Variants in UBASH3B observed in about 807,000 individuals in gnomAD.
UBASH3B encodes the protein ubiquitin associated and SH3 domain containing B.
In UBASH3B, 37 loss-of-function variants were observed where a neutral mutation model predicts 83.4. The observed-to-expected ratio is 0.44, with a 90% confidence interval of 0.34 to 0.58. The LOEUF is 0.58. Ranked by LOEUF, UBASH3B falls within the 20% of genes least tolerant of loss-of-function variation. The probability of loss-of-function intolerance (pLI) is 0.01; values close to 1 mark genes in which losing one functional copy is unlikely to be tolerated. For missense variants in UBASH3B, 657 were observed against 827.2 expected, an observed-to-expected ratio of 0.79 and a Z score of 2.52; for synonymous variants, 304 against 318.3, an observed-to-expected ratio of 0.96 and a Z score of 0.48.
intron 1 of UBASH3B, among the ~76,000 whole-genome samples, chr11:122,662,432 C>T (rs7945813): frequency 0.39 from 54,109 of 138,300 alleles, 10,275 homozygotes; most frequent in African/African-American, 0.41. Context: ...CTTTTCTTTT[C>T]TTTTTTTTTT....
chr11:122,694,553 A>G (rs546139466), intron 1 of UBASH3B, among the ~76,000 whole-genome samples: 1 of 152,266 alleles, frequency 6.6e-6, no homozygotes, highest in East Asian at 1.9e-4. Flanking sequence ...TCTGGGCAAT[A>G]TAGCAAGACT....
rs149873469 is a variant in UBASH3B, at chr11:122,791,469, A to G, written c.980+2161A>G. The stretch of plus-strand genomic sequence containing the variant: ...CGGTGACTATAAAATCGCCATTTGC[A>G]TAATGATGATTATTCTCTTTTTTCT... On this transcript the variant is annotated intron_variant, in intron 6 of 13. Coordinates refer to ENST00000284273, the MANE Select transcript of UBASH3B (RefSeq NM_032873.5). Among the ~76,000 whole-genome samples, 14 of 152,374 alleles carry G rather than the reference A, an allele frequency of 9.2e-5. No individual in the cohort carries two copies. The East Asian group carries it at 1.7e-3, about 19-fold the overall frequency.
rs548877873 is a variant in UBASH3B at position 122,737,751 on chromosome 11, C to G, written c.162-38468C>G. Among the ~76,000 whole-genome samples the G allele has an allele frequency of 2.0e-5, 3 of 151,170 alleles. No homozygotes were observed. The South Asian group carries it at 6.4e-4, about 32-fold the overall frequency. ...TTGAACACATGAGGTTTAGTGCAAG[C>G]AAGATATTCAAGTGGAGATTTCTAG... On this transcript the variant is annotated intron_variant, in intron 1 of 13. Coordinates refer to ENST00000284273, the MANE Select transcript of UBASH3B (RefSeq NM_032873.5).
intron 1 of UBASH3B, chr11:122,774,057 TG>T (rs1476048157): frequency 1.1e-5 from 11 of 984,214 alleles, no homozygotes; most frequent in Non-Finnish European, 1.3e-5. Flanking sequence ...GCTTCTGTAC[TG>T]AAAAAAAAAA....
chr11:122,765,024 A>T (rs1290592820), intron 1 of UBASH3B, among the ~76,000 whole-genome samples: 1 of 152,150 alleles, frequency 6.6e-6, no homozygotes, highest in African/African-American at 2.4e-5. Flanking sequence ...GAAAAAAAAA[A>T]ATGTAGGGGG....
intron 1 of UBASH3B, among the ~76,000 whole-genome samples, chr11:122,659,800 GC>G (rs1241412487): frequency 2.0e-5 from 3 of 152,144 alleles, no homozygotes; most frequent in African/African-American, 4.8e-5. Flanking sequence ...ACAGCTCTAG[GC>G]CCTTTTGACA....
chr11:122,761,779 CTTTTTTTTTTTT>C (rs138806467), intron 1 of UBASH3B, among the ~76,000 whole-genome samples: 2 of 65,408 alleles, frequency 3.1e-5, no homozygotes, highest in African/African-American at 6.6e-5. Flanking sequence ...CTCCCAGATC[CTTTTTTTTTTTT>C]TTTTTTTTTT....
chr11:122,677,957 GT>G (rs1262006881), intron 1 of UBASH3B, among the ~76,000 whole-genome samples: 2 of 152,108 alleles, frequency 1.3e-5, no homozygotes, highest in African/African-American at 2.4e-5. Flanking sequence ...TGCCCAGCTA[GT>G]TTTTGTATTT....
intron 7 of UBASH3B, 27 bp downstream of exon 7, chr11:122,794,861 C>A (rs775045211): frequency 6.2e-7 from 1 of 1,612,186 alleles, no homozygotes; most frequent in East Asian, 2.2e-5. Flanking sequence ...GGGTCACACC[C>A]CCAACTCTAA....
In UBASH3B at chr11:122,702,011, G is replaced by A. The variant is rs530569041; in HGVS notation, c.161+45801G>A. 1.2e-3 allele frequency among the ~76,000 whole-genome samples: 178 copies of A among 152,082 alleles called. 1 individual carries two copies. The highest frequency in any genetic ancestry group is 2.4e-3 in the African/African-American group (99 of 41,490). The stretch of plus-strand genomic sequence containing the variant: ...TGGGATTACAAGTGTGAACCACCAC[G>A]CCCAGCTGTAATGCCACATTTCAAT... On this transcript the variant is annotated intron_variant, in intron 1 of 13. Transcript: ENST00000284273.
At chr11:122,726,269 C>T (rs914902686) in intron 1 of UBASH3B, 1 of 160,854 alleles carries the variant, frequency 6.2e-6, no homozygotes, top group East Asian at 1.6e-4. Context: ...CTCAAACACG[C>T]ACGTGAACAC....
chr11:122,693,568 A>T (rs1388243866), intron 1 of UBASH3B, among the ~76,000 whole-genome samples: 1 of 152,168 alleles, frequency 6.6e-6, no homozygotes, highest in Non-Finnish European at 1.5e-5. Context: ...AAGCCTGTAA[A>T]TGAGGCTGAA....
chr11:122,776,096 C>T (rs1860728001), intron 1 of UBASH3B, 123 bp from the exon 2 acceptor site: 2 of 808,184 alleles, frequency 2.5e-6, no homozygotes, highest in Admixed American at 2.9e-5. Context: ...GGTGTCTACT[C>T]CCCACCACAG....
intron 1 of UBASH3B, among the ~76,000 whole-genome samples, chr11:122,690,360 G>A (rs749300566): frequency 6.8e-6 from 1 of 147,836 alleles, no homozygotes; most frequent in Non-Finnish European, 1.5e-5. Context: ...AGAGTTCTTA[G>A]CACAGTGCCT....
intron 1 of UBASH3B, among the ~76,000 whole-genome samples, chr11:122,666,118 C>A (rs892247457): frequency 2.0e-5 from 3 of 152,224 alleles, no homozygotes; most frequent in Admixed American, 1.3e-4. Flanking sequence ...GCACAGATGG[C>A]CAGAGGCAGC....
At position 122,813,422 on chromosome 11, in the gene UBASH3B, T is replaced by C. The variant is rs1191706497; in HGVS notation, c.*3536T>C. The C allele has an allele frequency of 6.6e-6, 1 of 152,240 alleles. No individual in the cohort carries two copies. Among genetic ancestry groups the C allele is most frequent in the East Asian group, 1.9e-4 (1 of 5,194 alleles). The allele number at this position is 152,240 out of a possible 1,614,324, so 9.4% of individuals were successfully genotyped here. On this transcript the variant is annotated 3_prime_UTR_variant, in exon 14 of 14. Coordinates refer to ENST00000284273, the MANE Select transcript of UBASH3B (RefSeq NM_032873.5). ...TAACCTAGGCACTCTGCAAGTCCAG[T>C]GTTTAATTTCAAAGCAGTGATGAAT...
chr11:122,728,131 C>G (rs957753103), intron 1 of UBASH3B, among the ~76,000 whole-genome samples: 6 of 152,176 alleles, frequency 3.9e-5, no homozygotes, highest in Admixed American at 2.6e-4. Context: ...AGCTACCACA[C>G]CCGGCCTTAG....
At chr11:122,801,129 C>A (rs1005467713) in intron 10 of UBASH3B, 59 bp from the exon 11 acceptor site, 28 of 1,584,928 alleles carry the variant, frequency 1.8e-5, no homozygotes, top group Non-Finnish European at 2.4e-5. Context: ...ATTTTTATAA[C>A]AACTTGGCCT....
At position 122,812,731 on chromosome 11, in the gene UBASH3B, TCA is replaced by T. The variant is rs1332927205; in HGVS notation, c.*2848_*2849del. 4 of 152,244 alleles carry T rather than the reference TCA, an allele frequency of 2.6e-5. No individual in the cohort carries two copies. Among genetic ancestry groups the T allele is most frequent in the Non-Finnish European group, 5.9e-5 (4 of 68,052 alleles). 9.4% of individuals were successfully genotyped at this position (152,244 alleles called of 1,614,324 possible). ...CAATCCGGTAATGCCCCAGTGTTATTCACAGACAGAACTTTGTTTCCTGTGAT... is the reference window on the plus strand; with the variant it reads ...CAATCCGGTAATGCCCCAGTGTTATTCAGACAGAACTTTGTTTCCTGTGAT... On this transcript the variant is annotated 3_prime_UTR_variant, in exon 14 of 14. Transcript: ENST00000284273.
Sources: allele counts gnomAD v4.1 joint callset (sites outside exome capture counted in the v4.1 genomes callset), GRCh38; gene constraint gnomAD v4.1.1; transcripts MANE v1.5; gene names NCBI Gene and HGNC (gene_info 2026-07-23, HGNC 2026-07-21).